PPP1R1C: variants seen among roughly 807,000 people sequenced by gnomAD.
PPP1R1C encodes the protein protein phosphatase 1 regulatory inhibitor subunit 1C.
Under a neutral mutation model 17.4 loss-of-function variants are expected in PPP1R1C, and 15 were observed. That is an observed-to-expected ratio of 0.86 (90% CI 0.58 to 1.33). The LOEUF is 1.33. Ranked by LOEUF, PPP1R1C falls within the 40% of genes most tolerant of loss-of-function variation. The pLI, the probability that PPP1R1C is intolerant of heterozygous loss-of-function variation, is 0.00. For missense variants in PPP1R1C, 143 were observed against 130.0 expected (o/e 1.10, Z -0.48); for synonymous variants, 35 against 43.1 (o/e 0.81, Z 0.73).
At chr2:182,012,068 GAGA>G (rs1428233836) in intron 2 of PPP1R1C, among the ~76,000 whole-genome samples, 1 of 152,006 alleles carries the variant, frequency 6.6e-6, no homozygotes, top group Non-Finnish European at 1.5e-5. Context: ...GCTACCTGCT[GAGA>G]AGAAGAAGGT....
chr2:182,105,858 T>G (rs1689231473), intron 4 of PPP1R1C, among the ~76,000 whole-genome samples: 1 of 152,138 alleles, frequency 6.6e-6, no homozygotes, highest in African/African-American at 2.4e-5. Flanking sequence ...TTTGCTAGGG[T>G]TGCCATCACA....
chr2:182,094,285 C>A (rs1298483370), intron 4 of PPP1R1C, among the ~76,000 whole-genome samples: 1 of 152,138 alleles, frequency 6.6e-6, no homozygotes, highest in Non-Finnish European at 1.5e-5. Context: ...GACCTGCCCC[C>A]ATAATTCAAC....
intron 2 of PPP1R1C, among the ~76,000 whole-genome samples, chr2:182,061,001 C>A (rs1377189391): frequency 1.3e-5 from 2 of 152,114 alleles, no homozygotes; most frequent in African/African-American, 4.8e-5. Flanking sequence ...ATACTGCCTT[C>A]CTTGTAGTCA....
chr2:182,090,667 C>T (rs186792543), intron 4 of PPP1R1C, among the ~76,000 whole-genome samples: 62 of 152,226 alleles, frequency 4.1e-4, no homozygotes, highest in Non-Finnish European at 5.1e-4. Context: ...CTTCCAGCAA[C>T]GACATTCCAG....
chr2:181,985,048 A>G (rs527545955), upstream of PPP1R1C, among the ~76,000 whole-genome samples: 1 of 152,248 alleles, frequency 6.6e-6, no homozygotes, highest in South Asian at 2.1e-4. The surrounding 1 kb of genome is among the most constrained non-coding windows in gnomAD (Gnocchi z 4.1). Context: ...ATACATTTCT[A>G]CTGTTGACAA....
At chr2:182,017,759 A>G (rs1179494493) in intron 2 of PPP1R1C, among the ~76,000 whole-genome samples, 1 of 152,138 alleles carries the variant, frequency 6.6e-6, no homozygotes, top group Non-Finnish European at 1.5e-5. Context: ...ACTTCCATGT[A>G]TTTAATAGGA....
At chr2:182,036,695 C>G (rs76859594) in intron 2 of PPP1R1C, among the ~76,000 whole-genome samples, 10,811 of 152,076 alleles carry the variant, frequency 0.071, 542 homozygotes, top group Middle Eastern at 0.13. Context: ...GTCTCTCTCT[C>G]TATGTGTTTG....
At chr2:182,081,893 A>G (rs997575831) in intron 4 of PPP1R1C, among the ~76,000 whole-genome samples, 2 of 152,230 alleles carry the variant, frequency 1.3e-5, no homozygotes, top group Non-Finnish European at 2.9e-5. Flanking sequence ...ATAAAAAGTC[A>G]TAAATATCAG....
chr2:182,054,088 G>A (rs1298952808), intron 2 of PPP1R1C, among the ~76,000 whole-genome samples: 1 of 152,038 alleles, frequency 6.6e-6, no homozygotes, highest in African/African-American at 2.4e-5. Flanking sequence ...TTGGATTTGG[G>A]TAAATTTCTC....
At chr2:181,981,840 G>GA (rs1204282906), upstream of PPP1R1C, among the ~76,000 whole-genome samples, 1 of 152,192 alleles carries the variant, frequency 6.6e-6, no homozygotes, top group African/African-American at 2.4e-5. Context: ...AGAAGAGACA[G>GA]AAAATCATTG....
intron 2 of PPP1R1C, among the ~76,000 whole-genome samples, chr2:182,054,296 T>A (rs561677844): frequency 5.7e-4 from 87 of 152,318 alleles, no homozygotes; most frequent in African/African-American, 2.0e-3. Flanking sequence ...AACAAAACCA[T>A]GAAATTGACA....
At chr2:182,018,108 A>T (rs1379269103) in intron 2 of PPP1R1C, among the ~76,000 whole-genome samples, 1 of 152,206 alleles carries the variant, frequency 6.6e-6, no homozygotes, top group East Asian at 1.9e-4. Flanking sequence ...TTTAAAGCAA[A>T]AAATGGACAG....
chr2:182,026,613 G>C (rs1000423807), intron 2 of PPP1R1C, among the ~76,000 whole-genome samples: 47 of 151,948 alleles, frequency 3.1e-4, no homozygotes, highest in South Asian at 2.1e-3. Context: ...GTTACTGTAG[G>C]CTTGTAGTAT....
In PPP1R1C at chr2:182,113,405, G is replaced by C. The variant is rs144859743; in HGVS notation, c.242-3802G>C. 1.8e-4 allele frequency among the ~76,000 whole-genome samples: 27 copies of C among 152,246 alleles called. No individual in the cohort carries two copies. In the East Asian group the frequency reaches 5.2e-3, roughly 29 times the overall value. On this transcript the variant is annotated intron_variant, in intron 4 of 4. Transcript: ENST00000682840. The stretch of plus-strand genomic sequence containing the variant: ...TTTCATCTATAATTCCTCCAGAAAA[G>C]TGATGTCATAAAACTACCTTTTATC...
At chr2:182,130,454 A>G (rs1435050260), downstream of PPP1R1C, 1 of 152,334 alleles carries the variant, frequency 6.6e-6, no homozygotes. Flanking sequence ...AATTGACTTC[A>G]AAGTCCCATT....
At chr2:182,024,015 A>C (rs577373580) in intron 2 of PPP1R1C, 1 of 152,204 alleles carries the variant, frequency 6.6e-6, no homozygotes, top group Non-Finnish European at 1.5e-5. Context: ...AAATTACAGA[A>C]TATGGTAGGA....
At chr2:181,979,388 C>T (rs1685153691) in intron 2 of PPP1R1C, among the ~76,000 whole-genome samples, 1 of 152,156 alleles carries the variant, frequency 6.6e-6, no homozygotes, top group Non-Finnish European at 1.5e-5. Flanking sequence ...TTATTTGAGG[C>T]TTTTTTTCAT....
At chr2:182,130,772 C>G (rs1423212849), downstream of PPP1R1C, 1 of 152,126 alleles carries the variant, frequency 6.6e-6, no homozygotes, top group Non-Finnish European at 1.5e-5. Flanking sequence ...GAATTTGTCA[C>G]TTGTTTGTTA....
At chr2:182,002,936 C>A (rs181830916) in intron 2 of PPP1R1C, among the ~76,000 whole-genome samples, 2,267 of 135,628 alleles carry the variant, frequency 0.017, 75 homozygotes, top group Non-Finnish European at 0.025. Context: ...AACCTCCCCC[C>A]CCCCACAACC....
Sources: gnomAD v4.1 joint callset for allele counts (sites outside exome capture counted in the v4.1 genomes callset) on GRCh38, gnomAD v4.1.1 for gene constraint, Gnocchi (gnomAD v3.1) non-coding constraint, MANE v1.5 for transcripts, NCBI Gene and HGNC (gene_info 2026-07-23, HGNC 2026-07-21) for gene names.